The following SPAG1 variants were observed in gnomAD, a reference collection of about 807,000 sequenced individuals.
SPAG1 encodes the protein sperm-associated antigen 1.
A neutral mutation model predicts 100.5 loss-of-function variants in SPAG1; 69 were observed. The ratio of observed to expected loss-of-function variants is 0.69; its 90% CI spans 0.57 to 0.84. The LOEUF is 0.84. Ranked by LOEUF, SPAG1 falls within the 40% of genes least tolerant of loss-of-function variation. The probability of loss-of-function intolerance (pLI) is 0.00; values close to 1 mark genes in which losing one functional copy is unlikely to be tolerated. For missense variants in SPAG1, 955 were observed against 1,133.1 expected, an observed-to-expected ratio of 0.84 and a Z score of 2.26; for synonymous variants, 336 against 411.6, an observed-to-expected ratio of 0.82 and a Z score of 2.22.
At chr8:100,201,931 G>T (rs921963983) in intron 10 of SPAG1, among the ~76,000 whole-genome samples, 4 of 152,180 alleles carry the variant, frequency 2.6e-5, no homozygotes, top group Non-Finnish European at 4.4e-5. Context: ...TCAGTGAGCT[G>T]CTCCAGCAAA....
At chr8:100,216,835 A>T (rs1320709527) in intron 12 of SPAG1, among the ~76,000 whole-genome samples, 3 of 151,238 alleles carry the variant, frequency 2.0e-5, no homozygotes, top group Non-Finnish European at 2.9e-5. Context: ...ATTCAAACAG[A>T]TTGCATACAT....
chr8:100,222,958 A>G (rs1345240385), intron 13 of SPAG1, among the ~76,000 whole-genome samples: 1 of 152,008 alleles, frequency 6.6e-6, no homozygotes, highest in Non-Finnish European at 1.5e-5. Context: ...GGCAACCACA[A>G]TCTGTGTTCT....
intron 16 of SPAG1, among the ~76,000 whole-genome samples, chr8:100,236,405 A>G (rs1347136278): frequency 1.3e-5 from 2 of 152,176 alleles, no homozygotes; most frequent in Non-Finnish European, 2.9e-5. Flanking sequence ...TGGCCTCTCA[A>G]AATGCTAGGA....
intron 10 of SPAG1, among the ~76,000 whole-genome samples, chr8:100,201,847 C>T (rs1817289157): frequency 3.9e-5 from 6 of 152,150 alleles, no homozygotes; most frequent in Admixed American, 3.9e-4. Flanking sequence ...GGTGCCTGGC[C>T]ACCCTAGGCA....
chr8:100,220,932 G>A (rs887417380), intron 13 of SPAG1, among the ~76,000 whole-genome samples: 1 of 152,072 alleles, frequency 6.6e-6, no homozygotes, highest in South Asian at 2.1e-4. Flanking sequence ...AATTAGCCAG[G>A]TGTGGTGGCG....
intron 10 of SPAG1, among the ~76,000 whole-genome samples, chr8:100,194,937 C>T (rs982139547): frequency 2.0e-5 from 3 of 151,978 alleles, no homozygotes; most frequent in East Asian, 1.9e-4. Context: ...GAGGCCGAGG[C>T]GGGTGCATCA....
chr8:100,211,560 C>T (rs1346503020), intron 10 of SPAG1, among the ~76,000 whole-genome samples: 1 of 152,130 alleles, frequency 6.6e-6, no homozygotes, highest in Non-Finnish European at 1.5e-5. Context: ...GCTCTGGAAG[C>T]TAAGGGGAGG....
chr8:100,165,173 T>C (rs114506874), intron 2 of SPAG1: 64 of 440,130 alleles, frequency 1.5e-4, no homozygotes, highest in African/African-American at 1.2e-3. Flanking sequence ...CAACAAAAAA[T>C]ACCAATATTT....
In SPAG1 at chr8:100,213,368, G is replaced by T; in HGVS notation, c.1375G>T (p.Gly459Trp). The change falls in exon 11 of 19, where the codon GGG becomes TGG. Residue 459 changes from glycine to tryptophan, a missense_variant. By Grantham distance (184) the Gly-to-Trp change is radical. Coordinates refer to ENST00000388798, the MANE Select transcript of SPAG1 (RefSeq NM_003114.5). ...CCAGGGCAACGAGCTGTTCCGAAGCGGGCAGTTCGCCGAGGCGGCCGGCAA... is the reference window on the plus strand; with the variant it reads ...CCAGGGCAACGAGCTGTTCCGAAGCTGGCAGTTCGCCGAGGCGGCCGGCAA... ...KSQGNELFRS[G>W]QFAEAAGKYS... 6.9e-7 allele frequency: 1 copy of T among 1,450,756 alleles called. No homozygotes were observed. 89.9% of individuals were successfully genotyped at this position (1,450,756 alleles called of 1,614,324 possible). A position where few individuals can be genotyped will look rare whatever the true frequency, so the allele number is the denominator to read the frequency against.
chr8:100,203,293 A>G (rs1311349535), intron 10 of SPAG1, among the ~76,000 whole-genome samples: 4 of 152,074 alleles, frequency 2.6e-5, no homozygotes, highest in African/African-American at 7.2e-5. Flanking sequence ...CTATTGTGGG[A>G]CCTTGTGATT....
At chr8:100,218,998 A>G (rs780402693) in intron 12 of SPAG1, among the ~76,000 whole-genome samples, 1 of 152,196 alleles carries the variant, frequency 6.6e-6, no homozygotes, top group Non-Finnish European at 1.5e-5. Context: ...GGCAATGCCA[A>G]TTGCCTTCCT....
chr8:100,170,800 CATTT>C (rs138359646), intron 3 of SPAG1, among the ~76,000 whole-genome samples: 43,006 of 112,938 alleles, frequency 0.38, 7,071 homozygotes, highest in Middle Eastern at 0.54. Context: ...TCCAGTCTGC[CATTT>C]ATTTATTTAT....
chr8:100,198,883 T>G (rs575196040), intron 10 of SPAG1, among the ~76,000 whole-genome samples: 1 of 152,260 alleles, frequency 6.6e-6, no homozygotes. Context: ...AATCATAGTA[T>G]GTAGACTTTT....
chr8:100,240,864 G>GTTTTTTTTTTTTTTT, intron 18 of SPAG1, 27 bp from the exon 19 acceptor site: 1 of 1,388,406 alleles, frequency 7.2e-7, no homozygotes, highest in Non-Finnish European at 9.6e-7. Context: ...TTGGTTTTTT[G>GTTTTTTTTTTTTTTT]TTTTTTTTTT....
intron 10 of SPAG1, among the ~76,000 whole-genome samples, chr8:100,195,170 AAAAAAAAG>A (rs1301606016): frequency 6.6e-6 from 1 of 151,662 alleles, no homozygotes; most frequent in Non-Finnish European, 1.5e-5. Flanking sequence ...ATCTCAAAAA[AAAAAAAAG>A]AAAAAGAAAA....
Position 100,179,973 on chromosome 8 carries a change from C to T in SPAG1, c.426+2032C>T, listed in dbSNP as rs199828465. 3.9e-5 allele frequency among the ~76,000 whole-genome samples: 6 copies of T among 152,132 alleles called. No individual in the cohort carries two copies. In the East Asian group the frequency reaches 7.7e-4, roughly 20 times the overall value. On this transcript the variant is annotated intron_variant, in intron 4 of 18. Coordinates refer to ENST00000388798, the MANE Select transcript of SPAG1 (RefSeq NM_003114.5). ...TTGGAAGTGAATGAAGGAGGCCTGT[C>T]GCTTTAAGAAAAACAACTCACAGTA...
rs761225786 is a variant in SPAG1 at position 100,213,845 on chromosome 8, A to T, written c.1462A>T (p.Ile488Phe). 35 of 1,599,548 alleles carry T rather than the reference A, an allele frequency of 2.2e-5. No homozygotes were observed. The East Asian group carries it at 7.4e-4, about 34-fold the overall frequency. Residue 488 changes from isoleucine (I) to phenylalanine (F), a missense_variant, in exon 12 of 19, where the codon ATC (isoleucine) becomes TTC (phenylalanine). Physicochemically the swap from Ile to Phe is conservative, Grantham distance 21 (BLOSUM62 0). Coordinates refer to ENST00000388798, the MANE Select transcript of SPAG1 (RefSeq NM_003114.5). The part of the protein sequence containing the change: ...AGSEIADDLS[I>F]LYSNRAACYL... ...AAGTGAAATTGCAGATGATCTAAGT[A>T]TCTTATATTCAAATAGAGCAGCATG...
intron 3 of SPAG1, among the ~76,000 whole-genome samples, chr8:100,170,800 CATTTATTT>C (rs138359646): frequency 0.2 from 22,249 of 113,352 alleles, 1,860 homozygotes; most frequent in African/African-American, 0.23. Context: ...TCCAGTCTGC[CATTTATTT>C]ATTTATTTAT....
At chr8:100,219,743 A>G (rs561640962) in intron 12 of SPAG1, among the ~76,000 whole-genome samples, 1 of 152,358 alleles carries the variant, frequency 6.6e-6, no homozygotes, top group South Asian at 2.1e-4. Context: ...GTGCAAGATG[A>G]AAATTCATAA....
Sources: allele counts gnomAD v4.1 joint callset (sites outside exome capture counted in the v4.1 genomes callset), GRCh38; gene constraint gnomAD v4.1.1; transcripts MANE v1.5; gene names NCBI Gene and HGNC (gene_info 2026-07-23, HGNC 2026-07-21).